The following ITPR2 variants were observed in gnomAD, a reference collection of about 807,000 sequenced individuals.
ITPR2 encodes the protein inositol 1,4,5-trisphosphate receptor type 2, also known as inositol 1,4,5-trisphosphate-gated calcium channel ITPR2.
A neutral mutation model predicts 317.1 loss-of-function variants in ITPR2; 207 were observed. The ratio of observed to expected loss-of-function variants is 0.65; its 90% CI spans 0.58 to 0.73. The LOEUF is 0.73. ITPR2 is among the 30% of genes least tolerant of loss of function. ITPR2 has a pLI of 0.00. For missense variants in ITPR2, 2,613 were observed against 3,284.0 expected, an observed-to-expected ratio of 0.80 and a Z score of 4.99; for synonymous variants, 1,156 against 1,149.1, an observed-to-expected ratio of 1.01 and a Z score of -0.12.
At chr12:26,696,173 C>T (rs543974845) in intron 9 of ITPR2, among the ~76,000 whole-genome samples, 2 of 152,242 alleles carry the variant, frequency 1.3e-5, no homozygotes, top group Non-Finnish European at 2.9e-5. Flanking sequence ...TGGAGAGTGG[C>T]ATTTTGGGGC....
intron 39 of ITPR2, among the ~76,000 whole-genome samples, chr12:26,489,234 A>C (rs1252451888): frequency 6.6e-6 from 1 of 152,208 alleles, no homozygotes. Context: ...CATAGAGTGT[A>C]AGGGGAAAGA....
At chr12:26,819,570 T>A (rs1826707063) in intron 1 of ITPR2, among the ~76,000 whole-genome samples, 1 of 152,206 alleles carries the variant, frequency 6.6e-6, no homozygotes, top group Non-Finnish European at 1.5e-5. Context: ...TAAATAAATT[T>A]TTCTGTCAAT....
At chr12:26,531,740 C>T (rs1010488724) in intron 37 of ITPR2, among the ~76,000 whole-genome samples, 1 of 151,966 alleles carries the variant, frequency 6.6e-6, no homozygotes, top group African/African-American at 2.4e-5. Flanking sequence ...CAGTGAAGTA[C>T]CCCACCACTT....
At chr12:26,391,556 C>CTTTTTTT (rs1555117374) in intron 54 of ITPR2, among the ~76,000 whole-genome samples, 6 of 98,596 alleles carry the variant, frequency 6.1e-5, no homozygotes, top group African/African-American at 1.3e-4. Flanking sequence ...TCTTCTTTTC[C>CTTTTTTT]TTTTTTTTTT....
intron 1 of ITPR2, among the ~76,000 whole-genome samples, chr12:26,809,419 T>A (rs532813874): frequency 6.6e-6 from 1 of 152,230 alleles, no homozygotes. Flanking sequence ...ATGTACACAA[T>A]GAATTTTTTT....
intron 1 of ITPR2, among the ~76,000 whole-genome samples, chr12:26,802,681 AAAAAAAGAG>A (rs1195350616): frequency 1.3e-5 from 2 of 148,408 alleles, no homozygotes; most frequent in Non-Finnish European, 3.0e-5. Flanking sequence ...CAGAAAAATC[AAAAAAAGAG>A]AAAAAAGCTT....
At chr12:26,626,330 A>T (rs190864592) in intron 23 of ITPR2, among the ~76,000 whole-genome samples, 1 of 152,224 alleles carries the variant, frequency 6.6e-6, no homozygotes, top group Non-Finnish European at 1.5e-5. Context: ...AAAAAGAAAC[A>T]CAGTAAGATA....
chr12:26,816,691 G>A (rs909425522), intron 1 of ITPR2, among the ~76,000 whole-genome samples: 4 of 152,156 alleles, frequency 2.6e-5, no homozygotes, highest in African/African-American at 9.7e-5. Context: ...ATTGCGGTAA[G>A]TTTTGTGAAG....
chr12:26,399,724 A>T (rs1940109302), intron 53 of ITPR2, among the ~76,000 whole-genome samples: 1 of 152,218 alleles, frequency 6.6e-6, no homozygotes, highest in Admixed American at 6.5e-5. Flanking sequence ...AATTTGCTCA[A>T]ATGTTATATT....
intron 53 of ITPR2, among the ~76,000 whole-genome samples, 174 bp downstream of exon 53, chr12:26,399,954 C>G (rs1031091014): frequency 6.6e-6 from 1 of 152,178 alleles, no homozygotes; most frequent in Non-Finnish European, 1.5e-5. Context: ...AGTTGTAGTA[C>G]ATTAGCTATG....
chr12:26,574,551 G>T (rs1319083798), intron 34 of ITPR2, among the ~76,000 whole-genome samples: 1 of 152,192 alleles, frequency 6.6e-6, no homozygotes, highest in Non-Finnish European at 1.5e-5. Context: ...TAATATGGGA[G>T]ACAAGAATAG....
In ITPR2 at chr12:26,487,112, C is replaced by T. The variant is rs1591822991; in HGVS notation, c.5510G>A (p.Arg1837Lys). 1.2e-6 allele frequency: 2 copies of T among 1,612,498 alleles called. No homozygotes were observed. Among genetic ancestry groups the T allele is most frequent in the South Asian group, 2.2e-5 (2 of 90,828 alleles). Residue 1837 changes from arginine to lysine, a missense_variant, in exon 40 of 57, where the codon AGG becomes AAG. Physicochemically the swap from Arg to Lys is conservative, Grantham distance 26 (BLOSUM62 2). Transcript: ENST00000381340. ...TGTCATCAATTCATTGTCATCGTCC[C>T]TTTTTTTGTTACCTAAATCTATGGT... is the stretch of plus-strand genomic sequence containing the variant. ...VNTIDLGNKK[R>K]DDDNELMTSG... is the part of the protein sequence containing the mutation.
intron 37 of ITPR2, among the ~76,000 whole-genome samples, chr12:26,545,789 C>T (rs868237147): frequency 3.3e-5 from 5 of 152,180 alleles, no homozygotes; most frequent in Admixed American, 6.5e-5. Flanking sequence ...CCATTTAGCT[C>T]CCCTCCACTG....
intron 13 of ITPR2, among the ~76,000 whole-genome samples, chr12:26,673,393 C>T (rs537444060): frequency 4.8e-4 from 73 of 152,134 alleles, no homozygotes; most frequent in Admixed American, 1.2e-3. Context: ...GTTCAATATA[C>T]GCAAATCACT....
At chr12:26,390,101 T>C (rs1173992483) in intron 54 of ITPR2, among the ~76,000 whole-genome samples, 1 of 152,196 alleles carries the variant, frequency 6.6e-6, no homozygotes, top group African/African-American at 2.4e-5. Context: ...CAAAACCAGA[T>C]AATAATAAGT....
intron 2 of ITPR2, among the ~76,000 whole-genome samples, chr12:26,771,181 T>C (rs1949835409): frequency 6.6e-6 from 1 of 152,236 alleles, no homozygotes; most frequent in Non-Finnish European, 1.5e-5. Context: ...AAAAAGACAT[T>C]ATACATAAAG....
rs574535241 is a variant in ITPR2, at chr12:26,439,916, G to A, written c.6451-597C>T. Among the ~76,000 whole-genome samples, 19 of 136,296 alleles carry A rather than the reference G, an allele frequency of 1.4e-4. No individual in the cohort carries two copies. The South Asian group carries it at 4.7e-3, about 33-fold the overall frequency. 89.4% of individuals were successfully genotyped at this position (136,296 alleles called of 152,430 possible). On this transcript the variant is annotated intron_variant, in intron 46 of 56. Transcript: ENST00000381340. ...TTTTAGCCTCCCTTATTTGTTATTT[G>A]TGACTGTTTAACTTTAGACTAAAAA...
chr12:26,566,027 G>A (rs1944968360), intron 34 of ITPR2, among the ~76,000 whole-genome samples: 1 of 129,752 alleles, frequency 7.7e-6, no homozygotes, highest in African/African-American at 3.0e-5. Context: ...GAAAGGAGGA[G>A]AGGAAAGGAG....
chr12:26,564,897 G>A (rs963976647), intron 34 of ITPR2, among the ~76,000 whole-genome samples: 7 of 152,120 alleles, frequency 4.6e-5, no homozygotes, highest in African/African-American at 1.4e-4. Context: ...ATGGCCAGCC[G>A]TAGAAAAATA....
Sources: gnomAD v4.1 joint callset for allele counts (sites outside exome capture counted in the v4.1 genomes callset) on GRCh38, gnomAD v4.1.1 for gene constraint, MANE v1.5 for transcripts, NCBI Gene and HGNC (gene_info 2026-07-23, HGNC 2026-07-21) for gene names.